Variants in USP13 observed in about 807,000 individuals in gnomAD.
USP13 encodes the protein ubiquitin specific peptidase 13.
A neutral mutation model predicts 107.8 loss-of-function variants in USP13; 68 were observed. The observed-to-expected ratio is 0.63, with a 90% confidence interval of 0.52 to 0.77. The LOEUF is 0.77. USP13 is among the 30% of genes least tolerant of loss of function. The pLI is 0.00. For synonymous variants in USP13, 377 were observed against 389.5 expected (o/e 0.97, Z 0.38); for missense variants, 945 against 1,093.3 (o/e 0.86, Z 1.91).
intron 3 of USP13, among the ~76,000 whole-genome samples, chr3:179,697,379 A>G (rs1712363593): frequency 6.6e-6 from 1 of 152,212 alleles, no homozygotes; most frequent in Non-Finnish European, 1.5e-5. Context: ...TAAAGTTAAT[A>G]TGGTCAGGGT....
chr3:179,784,193 CAAA>C lies in USP13; in HGVS notation c.*61_*63del, dbSNP rs71300409. 8.6e-6 allele frequency: 9 copies of C among 1,041,706 alleles called. No homozygotes were observed. In the South Asian group the frequency reaches 1.2e-4, roughly 14 times the overall value. 64.5% of individuals were successfully genotyped at this position (1,041,706 alleles called of 1,614,324 possible). A position where few individuals can be genotyped will look rare whatever the true frequency, so the allele number is the denominator to read the frequency against. ...GAAGCCATACGCCTTTTTAATTTGC[CAAA>C]AAAAAAAAGAAGAAGAAGAAGTTGA... On this transcript the variant is annotated 3_prime_UTR_variant, in exon 21 of 21. Coordinates refer to ENST00000263966, the MANE Select transcript of USP13 (RefSeq NM_003940.3).
At position 179,742,808 on chromosome 3, in the gene USP13, G is replaced by A. The variant is rs1714250447; in HGVS notation, c.1534+458G>A. Among the ~76,000 whole-genome samples, 1 of 152,124 alleles carries A rather than the reference G, an allele frequency of 6.6e-6. No individual in the cohort carries two copies. ...TGAGTATTTGAGCCACCTCTTCTGG[G>A]AGATAAATTGTGTCAGGGTTCTTTG... On this transcript the variant is annotated intron_variant, in intron 12 of 20. Transcript: ENST00000263966. This position sits in a 1 kb window ranked among gnomAD's most constrained non-coding sequence, Gnocchi z 5.0.
At chr3:179,724,170 TAAG>T (rs1713429627) in intron 8 of USP13, among the ~76,000 whole-genome samples, 1 of 150,692 alleles carries the variant, frequency 6.6e-6, no homozygotes, top group African/African-American at 2.4e-5. Context: ...AAAAAAATAA[TAAG>T]AAGGCCGGGT....
intron 8 of USP13, among the ~76,000 whole-genome samples, chr3:179,728,737 C>T (rs1202023142): frequency 6.6e-6 from 1 of 152,178 alleles, no homozygotes; most frequent in Non-Finnish European, 1.5e-5. Flanking sequence ...CCCGGCACCT[C>T]GGGAGGCCGA....
chr3:179,743,455 G>C (rs559420561), intron 12 of USP13, among the ~76,000 whole-genome samples: 29 of 151,550 alleles, frequency 1.9e-4, no homozygotes, highest in Admixed American at 1.2e-3. Context: ...TTTCTTGTGT[G>C]TGGGGGGTGG....
intron 16 of USP13, among the ~76,000 whole-genome samples, chr3:179,758,434 C>T (rs1714881830): frequency 6.6e-6 from 1 of 152,056 alleles, no homozygotes; most frequent in African/African-American, 2.4e-5. Context: ...AGCATGCTGT[C>T]TTACCAACAA....
chr3:179,708,652 GTC>G (rs369480471), intron 5 of USP13, 119 bp from the exon 6 acceptor site: 1 of 1,229,130 alleles, frequency 8.1e-7, no homozygotes. Flanking sequence ...GGAAGCATCA[GTC>G]TCTGTTATTC....
At chr3:179,734,520 A>G (rs1186686263) in intron 10 of USP13, among the ~76,000 whole-genome samples, 1 of 152,212 alleles carries the variant, frequency 6.6e-6, no homozygotes, top group Non-Finnish European at 1.5e-5. Flanking sequence ...GCTGGTCTCA[A>G]CTTTTCATCA....
chr3:179,714,943 T>C (rs530539835), intron 6 of USP13, among the ~76,000 whole-genome samples: 2 of 151,000 alleles, frequency 1.3e-5, no homozygotes, highest in South Asian at 4.2e-4. Flanking sequence ...GAATCATGGC[T>C]TACTGCAGCC....
chr3:179,680,117 G>T (rs760637192), intron 1 of USP13, among the ~76,000 whole-genome samples: 4 of 151,960 alleles, frequency 2.6e-5, no homozygotes, highest in Non-Finnish European at 5.9e-5. Context: ...AGGCTGCAGT[G>T]AGCCGGGATC....
rs541256789 is a variant in USP13, at chr3:179,764,707, G to T, written c.2259+539G>T. Among the ~76,000 whole-genome samples, 20 of 152,226 alleles carry T rather than the reference G, an allele frequency of 1.3e-4. 1 individual carries two copies. The South Asian group carries it at 4.2e-3, about 32-fold the overall frequency. On this transcript the variant is annotated intron_variant, in intron 18 of 20. Transcript: ENST00000263966. ...GAAACAAGGGACTCTGAAACTACAG[G>T]GTAGACAATTCCCTTCTGCAGTGCT...
intron 16 of USP13, among the ~76,000 whole-genome samples, chr3:179,759,410 A>G (rs969241123): frequency 2.0e-5 from 3 of 152,172 alleles, no homozygotes; most frequent in Non-Finnish European, 4.4e-5. Flanking sequence ...TAGTTTCTTT[A>G]CTATAGGATT....
chr3:179,776,167 C>T (rs1016443767), intron 19 of USP13, among the ~76,000 whole-genome samples: 2 of 152,118 alleles, frequency 1.3e-5, no homozygotes, highest in Non-Finnish European at 2.9e-5. Context: ...AGATCAGGAG[C>T]CAGCAACTTT....
intron 10 of USP13, among the ~76,000 whole-genome samples, chr3:179,738,196 G>A (rs1372525419): frequency 6.6e-6 from 1 of 152,202 alleles, no homozygotes; most frequent in Admixed American, 6.5e-5. Context: ...AAGGTAGAAG[G>A]CATTTTGTGC....
Position 179,721,518 on chromosome 3 carries a change from G to A in USP13, c.1017G>A (p.Lys339=). ...PMYGPGYTGL[K]NLGNSCYLSS... The stretch of plus-strand genomic sequence containing the variant: ...ATGGTCCTGGCTACACGGGTCTGAA[G>A]AACCTGGGCAACAGCTGCTATCTCA... Residue 339 remains lysine (K), a synonymous_variant, in exon 8 of 21, where the codon AAG becomes AAA. Transcript: ENST00000263966. The surrounding 1 kb of genome is among the most constrained non-coding windows in gnomAD (Gnocchi z 4.3). The A allele has an allele frequency of 6.2e-7, 1 of 1,614,164 alleles. No homozygotes were observed. The highest frequency in any genetic ancestry group is 1.7e-5 in the Admixed American group (1 of 60,014).
At chr3:179,685,087 G>A (rs767884938) in intron 2 of USP13, among the ~76,000 whole-genome samples, 13 of 151,490 alleles carry the variant, frequency 8.6e-5, no homozygotes, top group African/African-American at 4.8e-5. Flanking sequence ...TTAACATATC[G>A]TACCTCTTTT....
chr3:179,747,378 G>A (rs1281530955), intron 13 of USP13, among the ~76,000 whole-genome samples: 2 of 152,176 alleles, frequency 1.3e-5, no homozygotes, highest in Admixed American at 6.5e-5. Flanking sequence ...CATTTTGGAG[G>A]TGGAAGGTGA....
In USP13 at chr3:179,787,533, A is replaced by C. The variant is rs1393333520; in HGVS notation, c.*3392A>C. ...TACTCCCCAGTTGAGGACCTGTGTC[A>C]TTCTTAGTGGCCCCACGACCCCTCT... On this transcript the variant is annotated 3_prime_UTR_variant, in exon 21 of 21. Transcript: ENST00000263966. The C allele has an allele frequency of 1.3e-5, 2 of 152,120 alleles. No homozygotes were observed. Among genetic ancestry groups the C allele is most frequent in the African/African-American group, 4.8e-5 (2 of 41,418 alleles). The allele number at this position is 152,120 out of a possible 1,614,324, so 9.4% of individuals were successfully genotyped here.
At chr3:179,695,204 A>G (rs1712249933) in intron 3 of USP13, among the ~76,000 whole-genome samples, 1 of 152,248 alleles carries the variant, frequency 6.6e-6, no homozygotes, top group Admixed American at 6.5e-5. Flanking sequence ...TGGTACTGAA[A>G]TGAAATTATG....
Sources: allele counts gnomAD v4.1 joint callset (sites outside exome capture counted in the v4.1 genomes callset), GRCh38; gene constraint gnomAD v4.1.1; non-coding constraint Gnocchi (gnomAD v3.1); transcripts MANE v1.5; gene names NCBI Gene and HGNC (gene_info 2026-07-23, HGNC 2026-07-21).